The following LY75 variants were observed in gnomAD, a reference collection of about 807,000 sequenced individuals.
LY75 encodes lymphocyte antigen 75, also known as C-type lectin domain family 13 member B.
LY75 carries 185 observed loss-of-function variants against 231.7 expected under a neutral mutation model. The ratio of observed to expected loss-of-function variants is 0.80; its 90% CI spans 0.71 to 0.90. The LOEUF (loss-of-function observed/expected upper bound fraction) is 0.90. Ranked by LOEUF, LY75 falls within the 40% of genes least tolerant of loss-of-function variation. LY75 has a pLI of 0.00. For synonymous variants in LY75, 668 were observed against 689.0 expected (o/e 0.97, Z 0.48); for missense variants, 1,947 against 2,050.2 (o/e 0.95, Z 0.97).
Position 159,882,198 on chromosome 2 carries a change from G to T in LY75, c.1172C>A (p.Ala391Asp). Residue 391 changes from alanine (A) to aspartate (D), a missense_variant, in exon 7 of 35, where the codon GCC becomes GAC. Ala to Asp is a moderately radical substitution (Grantham distance 126). Coordinates refer to ENST00000263636, the MANE Select transcript of LY75 (RefSeq NM_002349.4). ...AATGCTGATTAGGTCACTACTGAAG[G>T]CTTTGCATTTCGCATGTGCCTTATC... ...SWDKAHAKCK[A>D]FSSDLISIHS... The T allele has an allele frequency of 6.2e-7, 1 of 1,614,018 alleles. No homozygotes were observed. The highest frequency in any genetic ancestry group is 8.5e-7 in the Non-Finnish European group (1 of 1,179,938).
chr2:159,852,137 C>T (rs1684417310), intron 21 of LY75, 64 bp downstream of exon 21: 1 of 1,583,958 alleles, frequency 6.3e-7, no homozygotes, highest in African/African-American at 1.3e-5. Context: ...TGCCATTCTG[C>T]CATAGGCTAT....
intron 24 of LY75, among the ~76,000 whole-genome samples, chr2:159,841,463 C>T (rs959630260): frequency 6.6e-6 from 1 of 152,106 alleles, no homozygotes; most frequent in Non-Finnish European, 1.5e-5. Context: ...TGCCAAAGCA[C>T]ATGAGATATC....
At chr2:159,807,761 T>C (rs1682831303) in intron 33 of LY75, 2 of 947,776 alleles carry the variant, frequency 2.1e-6, no homozygotes, top group Non-Finnish European at 2.5e-6. Flanking sequence ...AATTCAACTT[T>C]GCATAAAATG....
chr2:159,804,373 G>C lies in LY75; in HGVS notation c.*671C>G, dbSNP rs554346254. The stretch of plus-strand genomic sequence containing the variant: ...CTACTAAAAATACAAAAATTAGCCG[G>C]GCATGGTGGCAGTTGCCTGTAATCC... On this transcript the variant is annotated 3_prime_UTR_variant, in exon 35 of 35. Coordinates refer to ENST00000263636, the MANE Select transcript of LY75 (RefSeq NM_002349.4). 1 of 152,336 alleles carries C rather than the reference G, an allele frequency of 6.6e-6. No homozygotes were observed. The highest frequency in any genetic ancestry group is 2.4e-5 in the African/African-American group (1 of 41,544). The allele number at this position is 152,336 out of a possible 1,614,324, so 9.4% of individuals were successfully genotyped here. A position where few individuals can be genotyped will look rare whatever the true frequency, so the allele number is the denominator to read the frequency against.
chr2:159,879,471 G>T, intron 8 of LY75, 102 bp from the exon 9 acceptor site: 2 of 1,467,102 alleles, frequency 1.4e-6, no homozygotes, highest in Non-Finnish European at 1.8e-6. Flanking sequence ...AGAGAGAAAT[G>T]AATATAAGTG....
intron 13 of LY75, chr2:159,871,840 T>A (rs1033947134): frequency 6.6e-6 from 1 of 152,460 alleles, no homozygotes; most frequent in Non-Finnish European, 1.5e-5. Context: ...TGTGTGTAGA[T>A]ATAAATACAC....
intron 34 of LY75, 46 bp from the exon 35 acceptor site, chr2:159,805,268 G>A (rs574151495): frequency 7.0e-7 from 1 of 1,431,812 alleles, no homozygotes; most frequent in Non-Finnish European, 9.8e-7. Context: ...ATACAAAAGT[G>A]ATCATTATTG....
intron 7 of LY75, 53 bp downstream of exon 7, chr2:159,882,071 G>C: frequency 6.4e-7 from 1 of 1,553,334 alleles, no homozygotes; most frequent in African/African-American, 1.4e-5. Flanking sequence ...CTAAAACCAG[G>C]GATACTTTAA....
At chr2:159,890,451 A>G in intron 3 of LY75, 74 bp from the exon 4 acceptor site, 1 of 1,590,632 alleles carries the variant, frequency 6.3e-7, no homozygotes, top group South Asian at 1.1e-5. Context: ...GCTTAGAAAT[A>G]CTGCAAGTCA....
At chr2:159,857,515 G>C (rs1182981897) in intron 16 of LY75, among the ~76,000 whole-genome samples, 1 of 152,162 alleles carries the variant, frequency 6.6e-6, no homozygotes, top group Admixed American at 6.5e-5. Context: ...GCTGAGGCGG[G>C]CCAATCACCT....
chr2:159,869,113 C>T (rs1684935693), intron 13 of LY75, among the ~76,000 whole-genome samples: 1 of 151,982 alleles, frequency 6.6e-6, no homozygotes. Context: ...AACACTTGGA[C>T]ACAGGGCGGG....
intron 19 of LY75, 139 bp from the exon 20 acceptor site, chr2:159,853,491 C>T: frequency 6.8e-7 from 1 of 1,469,280 alleles, no homozygotes; most frequent in Non-Finnish European, 9.3e-7. Flanking sequence ...TGCTAACATG[C>T]AAAAGGGCTT....
intron 22 of LY75, 37 bp from the exon 23 acceptor site, chr2:159,850,177 T>C: frequency 6.3e-7 from 1 of 1,575,308 alleles, no homozygotes; most frequent in Non-Finnish European, 8.6e-7. Context: ...ATTTGATTTA[T>C]TCAAATTAAA....
At chr2:159,844,072 A>G (rs1356804091) in intron 23 of LY75, among the ~76,000 whole-genome samples, 5 of 152,144 alleles carry the variant, frequency 3.3e-5, no homozygotes, top group Admixed American at 6.6e-5. Flanking sequence ...AGAATTTCAG[A>G]ACACAGAAAA....
At chr2:159,878,591 A>G (rs201253690) in intron 10 of LY75, 42 bp downstream of exon 10, 1 of 1,613,294 alleles carries the variant, frequency 6.2e-7, no homozygotes, top group African/African-American at 1.3e-5. Flanking sequence ...AAAAGAATTC[A>G]GAGTTGAAAG....
chr2:159,879,211 A>G (rs1441215339), intron 9 of LY75, 48 bp downstream of exon 9: 8 of 1,582,660 alleles, frequency 5.1e-6, no homozygotes, highest in Middle Eastern at 1.7e-4. Flanking sequence ...TTTCTAACCA[A>G]GAAGTTGTAA....
intron 15 of LY75, 47 bp from the exon 16 acceptor site, chr2:159,858,523 C>A: frequency 6.4e-7 from 1 of 1,566,880 alleles, no homozygotes. Flanking sequence ...TGATACATCC[C>A]TTATGGAACA....
At chr2:159,860,612 T>A (rs1445845411) in intron 15 of LY75, among the ~76,000 whole-genome samples, 1 of 152,182 alleles carries the variant, frequency 6.6e-6, no homozygotes, top group Non-Finnish European at 1.5e-5. Context: ...TACTGCGTGG[T>A]AATGAGAGAG....
In LY75 at chr2:159,880,900, C is replaced by T. The variant is rs538240355; in HGVS notation, c.1404+183G>A. 4.6e-5 allele frequency among the ~76,000 whole-genome samples: 7 copies of T among 152,300 alleles called. No individual in the cohort carries two copies. The East Asian group carries it at 5.8e-4, about 13-fold the overall frequency. On this transcript the variant is annotated intron_variant, in intron 8 of 34. Transcript: ENST00000263636. ...CAGGCAGTAATGCTTGCTTACCCGC[C>T]GCTCACCTCCTGCTGTGCGGCCCAA...
Sources: gnomAD v4.1 joint callset for allele counts (sites outside exome capture counted in the v4.1 genomes callset) on GRCh38, gnomAD v4.1.1 for gene constraint, MANE v1.5 for transcripts, NCBI Gene and HGNC (gene_info 2026-07-23, HGNC 2026-07-21) for gene names.